NCK1: variants seen among roughly 807,000 people sequenced by gnomAD.
The protein encoded by NCK1 is NCK adaptor protein 1.
Under a neutral mutation model 36.6 loss-of-function variants are expected in NCK1, and 19 were observed. The ratio of observed to expected loss-of-function variants is 0.52; its 90% CI spans 0.36 to 0.76. The LOEUF is 0.76. Among genes scored for constraint, NCK1 ranks in the 30% least tolerant of loss-of-function variants. The probability of loss-of-function intolerance (pLI) is 0.00; values close to 1 mark genes in which losing one functional copy is unlikely to be tolerated. For synonymous variants in NCK1, 165 were observed against 156.0 expected (o/e 1.06, Z -0.43); for missense variants, 358 against 445.6 (o/e 0.80, Z 1.77).
chr3:136,907,990 T>C (rs1473391203), intron 1 of NCK1, among the ~76,000 whole-genome samples: 1 of 152,218 alleles, frequency 6.6e-6, no homozygotes, highest in Non-Finnish European at 1.5e-5. Flanking sequence ...TTTGATCACT[T>C]ACTCTCTTTG....
At chr3:136,930,377 A>G (rs1207647666) in intron 2 of NCK1, 12 of 1,094,224 alleles carry the variant, frequency 1.1e-5, no homozygotes, top group Non-Finnish European at 1.3e-5. Context: ...CTGTGTTATA[A>G]TTTAGAGGAA....
chr3:136,873,048 G>A (rs753238692), intron 1 of NCK1, among the ~76,000 whole-genome samples: 9 of 152,176 alleles, frequency 5.9e-5, no homozygotes, highest in Non-Finnish European at 1.2e-4. Flanking sequence ...CTCGGGTACC[G>A]CCTAGTGGAG....
chr3:136,902,412 C>T (rs1204978036), intron 1 of NCK1, among the ~76,000 whole-genome samples: 1 of 152,130 alleles, frequency 6.6e-6, no homozygotes, highest in Non-Finnish European at 1.5e-5. Context: ...CCAGGCTGGT[C>T]TCGAGCTCCT....
chr3:136,890,375 G>A (rs1312854877), intron 1 of NCK1, among the ~76,000 whole-genome samples: 3 of 151,962 alleles, frequency 2.0e-5, no homozygotes, highest in Non-Finnish European at 2.9e-5. Flanking sequence ...TCCCGCTGGC[G>A]CCTCTCCCTC....
rs550851110 is a variant in NCK1 at position 136,944,387 on chromosome 3, G to T, written c.227-1196G>T. ...CCCGCCTCAGCCTCCCAGAATGCTG[G>T]GATTACTGGCATGAGCCACCGTGCC... On this transcript the variant is annotated intron_variant, in intron 2 of 3. Transcript: ENST00000481752. Among the ~76,000 whole-genome samples, 21 of 152,094 alleles carry T rather than the reference G, an allele frequency of 1.4e-4. 1 individual carries two copies. The South Asian group carries it at 4.4e-3, about 32-fold the overall frequency.
intron 1 of NCK1, among the ~76,000 whole-genome samples, chr3:136,913,491 C>G (rs112771971): frequency 3.3e-5 from 5 of 152,182 alleles, no homozygotes; most frequent in African/African-American, 9.6e-5. Context: ...TTGTCTAGAA[C>G]TCCTAGGCTC....
chr3:136,928,028 C>T lies in NCK1; in HGVS notation c.27C>T (p.Ala9=), dbSNP rs763900564. Residue 9 remains alanine (A), a synonymous_variant, in exon 2 of 4, where the codon GCC becomes GCT. Transcript: ENST00000481752. ...TGGCAGAAGAAGTGGTGGTAGTAGC[C>T]AAATTTGATTATGTGGCCCAACAAG... MAEEVVVV[A]KFDYVAQQEQ... 2 of 1,613,984 alleles carry T rather than the reference C, an allele frequency of 1.2e-6. No homozygotes were observed. Among genetic ancestry groups the T allele is most frequent in the Non-Finnish European group, 1.7e-6 (2 of 1,179,976 alleles).
chr3:136,924,548 A>G (rs1940191547), intron 1 of NCK1, among the ~76,000 whole-genome samples: 1 of 152,264 alleles, frequency 6.6e-6, no homozygotes. Flanking sequence ...AAAATTGAAT[A>G]TTAGCATTAG....
chr3:136,880,181 A>G (rs145123315), intron 1 of NCK1, among the ~76,000 whole-genome samples: 5,948 of 151,746 alleles, frequency 0.039, 253 homozygotes, highest in South Asian at 0.066. Context: ...GCTAGTTAGG[A>G]GGCTGAGGCA....
chr3:136,899,755 C>G (rs1261585378), intron 1 of NCK1: 1 of 1,187,852 alleles, frequency 8.4e-7, no homozygotes, highest in Non-Finnish European at 1.3e-6. Context: ...TGTTTTTCAA[C>G]TCTTTTATCT....
intron 1 of NCK1, among the ~76,000 whole-genome samples, chr3:136,890,287 T>G (rs1376319605): frequency 1.3e-5 from 2 of 152,110 alleles, no homozygotes; most frequent in Non-Finnish European, 2.9e-5. Context: ...CCGGCTGCTC[T>G]GAGTGCGTGC....
intron 1 of NCK1, among the ~76,000 whole-genome samples, chr3:136,871,565 C>A (rs1387889924): frequency 6.6e-6 from 1 of 152,118 alleles, no homozygotes; most frequent in Non-Finnish European, 1.5e-5. Flanking sequence ...TCTTGCGCCC[C>A]CTCCAATCAG....
At chr3:136,885,197 A>G (rs752194828) in intron 1 of NCK1, among the ~76,000 whole-genome samples, 1 of 152,176 alleles carries the variant, frequency 6.6e-6, no homozygotes, top group Non-Finnish European at 1.5e-5. Flanking sequence ...GAATATGGAT[A>G]TTGTGGCCGT....
At chr3:136,927,731 A>G (rs921158986) in intron 1 of NCK1, among the ~76,000 whole-genome samples, 28 of 152,046 alleles carry the variant, frequency 1.8e-4, no homozygotes, top group South Asian at 2.1e-4. Context: ...ATGTTGGCCA[A>G]GCTGGTCTCG....
intron 1 of NCK1, among the ~76,000 whole-genome samples, chr3:136,878,160 G>T (rs1938827030): frequency 6.6e-6 from 1 of 152,146 alleles, no homozygotes; most frequent in South Asian, 2.1e-4. Flanking sequence ...TGTAATCCCA[G>T]CACTTTGGGA....
intron 1 of NCK1, among the ~76,000 whole-genome samples, chr3:136,890,816 C>T (rs998937594): frequency 6.6e-6 from 1 of 152,130 alleles, no homozygotes; most frequent in Non-Finnish European, 1.5e-5. Context: ...CAGCCATCAC[C>T]ACCACCTGTT....
intron 1 of NCK1, among the ~76,000 whole-genome samples, chr3:136,876,781 A>T (rs933003982): frequency 6.6e-6 from 1 of 152,158 alleles, no homozygotes; most frequent in Non-Finnish European, 1.5e-5. Context: ...AGAATTTACG[A>T]ATCAGTGTAA....
intron 1 of NCK1, among the ~76,000 whole-genome samples, chr3:136,894,808 A>G (rs142981033): frequency 2.8e-4 from 42 of 152,256 alleles, no homozygotes; most frequent in African/African-American, 9.9e-4. Flanking sequence ...AAATTTTGCT[A>G]GATTTTTTAA....
intron 1 of NCK1, among the ~76,000 whole-genome samples, chr3:136,885,654 A>G (rs1389668336): frequency 6.6e-6 from 1 of 152,220 alleles, no homozygotes; most frequent in Non-Finnish European, 1.5e-5. Flanking sequence ...TGGTGATATT[A>G]ATACTGATTG....
Sources: gnomAD v4.1 joint callset for allele counts (sites outside exome capture counted in the v4.1 genomes callset) on GRCh38, gnomAD v4.1.1 for gene constraint, MANE v1.5 for transcripts, NCBI Gene and HGNC (gene_info 2026-07-23, HGNC 2026-07-21) for gene names.